The following DMD variants were observed in gnomAD, a reference collection of about 807,000 sequenced individuals.
DMD encodes mutant dystrophin.
DMD carries 63 observed loss-of-function variants against 330.1 expected under a neutral mutation model. The ratio of observed to expected loss-of-function variants is 0.19; its 90% CI spans 0.16 to 0.24. The LOEUF is 0.24. Ranked by LOEUF, DMD falls within the 10% of genes least tolerant of loss-of-function variation. The pLI is 1.00. For synonymous variants in DMD, 1,223 were observed against 959.8 expected (o/e 1.27, Z -5.07); for missense variants, 3,344 against 2,684.1 (o/e 1.25, Z -5.43).
At chrX:33,319,072 A>G (rs2053976234) in intron 1 of DMD, among the ~76,000 whole-genome samples, 1 of 109,381 alleles carries the variant, frequency 9.1e-6, no homozygotes, top group South Asian at 4.0e-4. Context: ...TCGCCTCTTC[A>G]TCATATAAGG....
intron 44 of DMD, among the ~76,000 whole-genome samples, chrX:32,151,156 T>A (rs2096801772): frequency 8.9e-6 from 1 of 112,077 alleles, no homozygotes; most frequent in African/African-American, 3.2e-5. Flanking sequence ...TATGAGAGGC[T>A]TACTACCTTT....
rs148083861 is a variant in DMD, at chrX:33,114,408, C to T, written c.32-94208G>A. ...TACAGGTGTGAGCCACCACCGTGCC[C>T]GGCCAGCAAAATAATTCTTAAAATT... On this transcript the variant is annotated intron_variant, in intron 1 of 78. Coordinates refer to ENST00000357033, the MANE Select transcript of DMD (RefSeq NM_004006.3). Among the ~76,000 whole-genome samples the T allele has an allele frequency of 5.6e-4, 62 of 111,014 alleles. No homozygotes were observed. In the East Asian group the frequency reaches 0.017, roughly 30 times the overall value.
At chrX:32,439,468 C>A (rs1049497181) in intron 28 of DMD, among the ~76,000 whole-genome samples, 4 of 111,267 alleles carry the variant, frequency 3.6e-5, no homozygotes, top group African/African-American at 1.3e-4. Flanking sequence ...TCTAACAAAT[C>A]TTAATTTTGT....
intron 44 of DMD, among the ~76,000 whole-genome samples, chrX:32,117,560 C>A (rs1344353847): frequency 8.9e-6 from 1 of 111,822 alleles, no homozygotes; most frequent in African/African-American, 3.3e-5. Context: ...CTGCCATGCT[C>A]ATGTTTTTAA....
intron 1 of DMD, among the ~76,000 whole-genome samples, chrX:33,292,811 C>T (rs1209193971): frequency 9.0e-6 from 1 of 111,150 alleles, no homozygotes; most frequent in Non-Finnish European, 1.9e-5. Context: ...TTTCATTTGA[C>T]TCCTACTCTA....
intron 55 of DMD, among the ~76,000 whole-genome samples, chrX:31,564,235 TC>T (rs1354724974): frequency 8.9e-6 from 1 of 111,953 alleles, no homozygotes; most frequent in Non-Finnish European, 1.9e-5. Context: ...GGTTAAGTCA[TC>T]CAGTTTGTGG....
At chrX:31,158,322 C>G (rs188999282) in intron 74 of DMD, among the ~76,000 whole-genome samples, 1 of 111,831 alleles carries the variant, frequency 8.9e-6, no homozygotes, top group Middle Eastern at 4.2e-3. Context: ...TAAAAGATTA[C>G]GCTATGTGAA....
chrX:32,849,626 G>A, intron 3 of DMD, 102 bp downstream of exon 3: 3 of 619,254 alleles, frequency 4.8e-6, no homozygotes, highest in Non-Finnish European at 5.4e-6. Context: ...GTTTCAATCA[G>A]TACCTAGTCA....
chrX:32,951,471 A>G (rs1346183593), intron 2 of DMD, among the ~76,000 whole-genome samples: 1 of 111,945 alleles, frequency 8.9e-6, no homozygotes, highest in Non-Finnish European at 1.9e-5. Flanking sequence ...TAAGTGGGCT[A>G]TTGAACAAAG....
At chrX:32,400,354 T>G (rs1443370997) in intron 30 of DMD, among the ~76,000 whole-genome samples, 5 of 111,290 alleles carry the variant, frequency 4.5e-5, no homozygotes, top group South Asian at 3.8e-4. Flanking sequence ...GCTGGATTCG[T>G]TTTGCAAGTA....
intron 13 of DMD, among the ~76,000 whole-genome samples, chrX:32,578,763 C>G (rs1043004338): frequency 9.0e-6 from 1 of 111,261 alleles, no homozygotes. Context: ...ATAGAGTGTT[C>G]CCAGGCGTAT....
At chrX:32,605,634 A>G (rs1320904578) in intron 12 of DMD, among the ~76,000 whole-genome samples, 2 of 111,153 alleles carry the variant, frequency 1.8e-5, no homozygotes, top group Non-Finnish European at 3.8e-5. Flanking sequence ...AGAATGGAAA[A>G]CAATTCCGAA....
At chrX:32,717,403 G>A (rs2065842495) in intron 7 of DMD, among the ~76,000 whole-genome samples, 1 of 111,797 alleles carries the variant, frequency 8.9e-6, no homozygotes, top group Non-Finnish European at 1.9e-5. Flanking sequence ...CAAGCCATAA[G>A]CATTGGTGGC....
rs191790120 is a variant in DMD at position 32,543,592 on chromosome X, A to C, written c.2168+1567T>G. On this transcript the variant is annotated intron_variant, in intron 17 of 78. Transcript: ENST00000357033. ...TAAACACATGTTTAATGTGACAACA[A>C]ACAAGTTAATGTACATCTTACTAGG... 7.2e-3 allele frequency among the ~76,000 whole-genome samples: 812 copies of C among 112,440 alleles called. 21 individuals are homozygous for C. Among genetic ancestry groups the C allele is most frequent in the Admixed American group, 0.061 (641 of 10,568 alleles).
intron 57 of DMD, among the ~76,000 whole-genome samples, chrX:31,482,236 T>TC (rs1556658453): frequency 2.4e-5 from 2 of 84,937 alleles, no homozygotes; most frequent in East Asian, 7.7e-4. Flanking sequence ...TGTGTGTGTG[T>TC]GGGGGGGGTG....
rs147239037 is a variant in DMD at position 31,606,749 on chromosome X, T to C, written c.8217+20924A>G. Among the ~76,000 whole-genome samples, 672 of 112,416 alleles carry C rather than the reference T, an allele frequency of 6.0e-3. 8 individuals carry two copies. The highest frequency in any genetic ancestry group is 0.021 in the African/African-American group (638 of 31,041). On this transcript the variant is annotated intron_variant, in intron 55 of 78. Coordinates refer to ENST00000357033, the MANE Select transcript of DMD (RefSeq NM_004006.3). ...TATAAAACAAAACAGCTTTTGACTT[T>C]TTTGTATCAGTTGTTTGTTTGAAAG...
chrX:32,264,725 G>T (rs976745061), intron 43 of DMD, among the ~76,000 whole-genome samples: 1 of 111,793 alleles, frequency 8.9e-6, no homozygotes, highest in Non-Finnish European at 1.9e-5. Flanking sequence ...CTTTTGCTAC[G>T]CTTTAGCAAA....
At chrX:32,519,366 G>A (rs1292542323) in intron 17 of DMD, among the ~76,000 whole-genome samples, 1 of 109,547 alleles carries the variant, frequency 9.1e-6, no homozygotes, top group Non-Finnish European at 1.9e-5. Context: ...ATTGGCAAAA[G>A]GATACAAAAT....
intron 60 of DMD, among the ~76,000 whole-genome samples, chrX:31,387,547 G>A (rs2060500388): frequency 9.0e-6 from 1 of 111,104 alleles, no homozygotes; most frequent in Non-Finnish European, 1.9e-5. Context: ...CTATGGGCAT[G>A]CACCACTATG....
Sources: allele counts gnomAD v4.1 joint callset (sites outside exome capture counted in the v4.1 genomes callset), GRCh38; gene constraint gnomAD v4.1.1; transcripts MANE v1.5; gene names NCBI Gene and HGNC (gene_info 2026-07-23, HGNC 2026-07-21).